The following PLEKHD1 variants were observed in gnomAD, a reference collection of about 807,000 sequenced individuals.
PLEKHD1 encodes the protein pleckstrin homology domain-containing family D member 1.
PLEKHD1 carries 51 observed loss-of-function variants against 69.2 expected under a neutral mutation model. The observed-to-expected ratio is 0.74, with a 90% confidence interval of 0.59 to 0.93. PLEKHD1 has a LOEUF of 0.93. Among genes scored for constraint, PLEKHD1 ranks in the 40% least tolerant of loss-of-function variants. The pLI, the probability that PLEKHD1 is intolerant of heterozygous loss-of-function variation, is 0.00. For synonymous variants in PLEKHD1, 236 were observed against 244.7 expected (o/e 0.96, Z 0.33); for missense variants, 584 against 641.0 (o/e 0.91, Z 0.96).
rs1388314399 is a variant in PLEKHD1, at chr14:69,500,770, A to G, written c.334-101A>G. The G allele has an allele frequency of 4.0e-6, 6 of 1,511,884 alleles. No individual in the cohort carries two copies. In the African/African-American group the frequency reaches 6.9e-5, roughly 17 times the overall value. 93.7% of individuals were successfully genotyped at this position (1,511,884 alleles called of 1,614,324 possible). On this transcript the variant is annotated intron_variant, in intron 3 of 12. Coordinates refer to ENST00000322564, the MANE Select transcript of PLEKHD1 (RefSeq NM_001161498.2). ...TGTCCTGGCCTGGGAGAGGGGCATC[A>G]GCACCCAGGGATGTGGGGTGGGTGA... is the stretch of plus-strand genomic sequence containing the variant.
chr14:69,504,900 T>C (rs1428359429), intron 6 of PLEKHD1, among the ~76,000 whole-genome samples: 3 of 152,188 alleles, frequency 2.0e-5, no homozygotes, highest in Non-Finnish European at 2.9e-5. Flanking sequence ...GGCTTCTGTA[T>C]TGTCAGCAAA....
the PLEKHD1 span, among the ~76,000 whole-genome samples, chr14:69,468,099 A>G: frequency 6.6e-6 from 1 of 152,234 alleles, no homozygotes; most frequent in African/African-American, 2.4e-5. Context: ...ACAGTTATTC[A>G]TGAAGAGGTC....
intron 1 of PLEKHD1, among the ~76,000 whole-genome samples, chr14:69,498,597 T>TCTTCTCTTCTCTTCG: frequency 1.1e-5 from 1 of 94,796 alleles, no homozygotes; most frequent in South Asian, 4.1e-4. Context: ...TTTTCTCTTC[T>TCTTCTCTTCTCTTCG]CTTCTCTTCT....
rs1347815697 is a variant in PLEKHD1, at chr14:69,501,530, C to A, written c.411-204C>A. The A allele has an allele frequency of 6.4e-6, 3 of 471,820 alleles. No homozygotes were observed. The Admixed American group carries it at 1.2e-4, about 18-fold the overall frequency. The allele number at this position is 471,820 out of a possible 1,614,324, so 29.2% of individuals were successfully genotyped here. ...CCAGTGGCCCACTTTGCAGCCTGGG[C>A]CAGCCTCCAGCTACTGTAACTGATC... is the stretch of plus-strand genomic sequence containing the variant. On this transcript the variant is annotated intron_variant, in intron 4 of 12. Coordinates refer to ENST00000322564, the MANE Select transcript of PLEKHD1 (RefSeq NM_001161498.2).
intron 6 of PLEKHD1, among the ~76,000 whole-genome samples, chr14:69,511,531 A>G (rs1303895325): frequency 6.6e-6 from 1 of 151,940 alleles, no homozygotes; most frequent in South Asian, 2.1e-4. Context: ...ACTGGTCTGT[A>G]GTTTTCTTTT....
chr14:69,527,423 G>A, intron 11 of PLEKHD1, 91 bp downstream of exon 11: 1 of 1,512,526 alleles, frequency 6.6e-7, no homozygotes. Context: ...CCCACACAGG[G>A]TCTGCTAGGC....
chr14:69,485,887 G>A (rs1281010595), intron 1 of PLEKHD1, among the ~76,000 whole-genome samples: 2 of 152,196 alleles, frequency 1.3e-5, no homozygotes, highest in Admixed American at 1.3e-4. Flanking sequence ...CCCCAACTCA[G>A]ACGCGACTCC....
the PLEKHD1 span, among the ~76,000 whole-genome samples, chr14:69,471,620 G>A: frequency 6.6e-6 from 1 of 152,138 alleles, no homozygotes; most frequent in Admixed American, 6.5e-5. Context: ...TCTCATTCAG[G>A]ACTGGGCATC....
intron 8 of PLEKHD1, 78 bp from the exon 9 acceptor site, chr14:69,525,866 A>T (rs1214710288): frequency 7.2e-7 from 1 of 1,384,370 alleles, no homozygotes; most frequent in Admixed American, 2.5e-5. Flanking sequence ...CACTCCCCCA[A>T]ACGGAAAAGC....
chr14:69,518,371 G>A (rs1883434680), intron 6 of PLEKHD1, among the ~76,000 whole-genome samples: 2 of 152,058 alleles, frequency 1.3e-5, no homozygotes, highest in South Asian at 4.1e-4. Context: ...ACTGGACTGT[G>A]AGCTCCCTGA....
upstream of PLEKHD1, among the ~76,000 whole-genome samples, chr14:69,483,384 G>A (rs1882581524): frequency 6.6e-6 from 1 of 151,988 alleles, no homozygotes; most frequent in African/African-American, 2.4e-5. Flanking sequence ...GGGGATGATG[G>A]GGCCTGTGGG....
At chr14:69,500,968 G>A (rs1594979595) in intron 4 of PLEKHD1, 21 bp downstream of exon 4, 1 of 1,550,814 alleles carries the variant, frequency 6.4e-7, no homozygotes, top group South Asian at 1.2e-5. Context: ...ACAGCCAGGA[G>A]GGCAGCCTGC....
intron 6 of PLEKHD1, among the ~76,000 whole-genome samples, chr14:69,512,340 CT>C (rs1883288970): frequency 6.6e-6 from 1 of 151,956 alleles, no homozygotes; most frequent in African/African-American, 2.4e-5. Flanking sequence ...AAAGAACTGG[CT>C]TTTGATTTTG....
chr14:69,486,391 G>A (rs993677208), intron 1 of PLEKHD1, among the ~76,000 whole-genome samples: 1 of 152,090 alleles, frequency 6.6e-6, no homozygotes, highest in Non-Finnish European at 1.5e-5. Flanking sequence ...GATTTAATGG[G>A]ATACAGGCTT....
chr14:69,507,923 C>T (rs1036762656), intron 6 of PLEKHD1, among the ~76,000 whole-genome samples: 7 of 151,984 alleles, frequency 4.6e-5, no homozygotes, highest in Non-Finnish European at 1.0e-4. Flanking sequence ...ATGTTGAACT[C>T]CTGAGATCAA....
intron 6 of PLEKHD1, among the ~76,000 whole-genome samples, chr14:69,519,549 T>C (rs1883461917): frequency 6.6e-6 from 1 of 152,086 alleles, no homozygotes; most frequent in African/African-American, 2.4e-5. Flanking sequence ...AGGAAGGGAA[T>C]TCCAGTCATT....
At chr14:69,476,780 A>G in the PLEKHD1 span, among the ~76,000 whole-genome samples, 1 of 152,178 alleles carries the variant, frequency 6.6e-6, no homozygotes, top group Non-Finnish European at 1.5e-5. Context: ...GACAGGGGCC[A>G]GGGACTAGAC....
At chr14:69,474,234 G>A in the PLEKHD1 span, among the ~76,000 whole-genome samples, 1 of 152,288 alleles carries the variant, frequency 6.6e-6, no homozygotes, top group African/African-American at 2.4e-5. Flanking sequence ...TAGAGTCTCA[G>A]AAAGTTTGGT....
At chr14:69,494,260 T>C (rs72625684) in intron 1 of PLEKHD1, among the ~76,000 whole-genome samples, 9,318 of 152,192 alleles carry the variant, frequency 0.061, 391 homozygotes, top group African/African-American at 0.12. Context: ...AGTTGCACGG[T>C]GGGGACCTAC....
Sources: allele counts gnomAD v4.1 joint callset (sites outside exome capture counted in the v4.1 genomes callset), GRCh38; gene constraint gnomAD v4.1.1; transcripts MANE v1.5; gene names NCBI Gene and HGNC (gene_info 2026-07-23, HGNC 2026-07-21).